Variants in CNTN3 observed in about 807,000 individuals in gnomAD.
The protein encoded by CNTN3 is contactin-3.
Under a neutral mutation model 119.1 loss-of-function variants are expected in CNTN3, and 60 were observed. The observed-to-expected ratio is 0.50, with a 90% CI of 0.41 to 0.62. The LOEUF is 0.62. Among genes scored for constraint, CNTN3 ranks in the 20% least tolerant of loss-of-function variants. The probability of loss-of-function intolerance (pLI) is 0.00; values close to 1 mark genes in which losing one functional copy is unlikely to be tolerated. For synonymous variants in CNTN3, 450 were observed against 438.7 expected, an observed-to-expected ratio of 1.03 and a Z score of -0.32; for missense variants, 1,101 against 1,242.4, an observed-to-expected ratio of 0.89 and a Z score of 1.71.
chr3:74,445,436 T>C (rs999388149), intron 4 of CNTN3, among the ~76,000 whole-genome samples: 10 of 152,036 alleles, frequency 6.6e-5, no homozygotes, highest in South Asian at 2.1e-4. Context: ...CTAATTTTTG[T>C]ATTTTTTAGT....
At chr3:74,497,644 C>A (rs1490484432) in intron 3 of CNTN3, among the ~76,000 whole-genome samples, 1 of 149,504 alleles carries the variant, frequency 6.7e-6, no homozygotes, top group Non-Finnish European at 1.5e-5. Context: ...TATTTGGCTA[C>A]AAACCAAAAA....
At position 74,414,574 on chromosome 3, in the gene CNTN3, C is replaced by T. The variant is rs576989636; in HGVS notation, c.454+10271G>A. On this transcript the variant is annotated intron_variant, in intron 5 of 22. Transcript: ENST00000263665. ...CAGGAAAGACCCCACCCTATGGGGT[C>T]AGAATCTCTGGGAGTGGGACTGTGG... Among the ~76,000 whole-genome samples the T allele has an allele frequency of 2.0e-4, 30 of 152,232 alleles. 1 individual carries two copies. The South Asian group carries it at 6.0e-3, about 31-fold the overall frequency.
At chr3:74,597,696 A>C (rs1575857693) in intron 1 of CNTN3, among the ~76,000 whole-genome samples, 1 of 152,170 alleles carries the variant, frequency 6.6e-6, no homozygotes, top group East Asian at 1.9e-4. Flanking sequence ...ATTTAAAACA[A>C]GCTTACAATG....
At chr3:74,380,469 A>G (rs1704586135) in intron 5 of CNTN3, among the ~76,000 whole-genome samples, 2 of 152,224 alleles carry the variant, frequency 1.3e-5, no homozygotes, top group African/African-American at 4.8e-5. Context: ...AGTCCTGGAG[A>G]AGATAAAGAA....
chr3:74,572,350 T>C (rs1401601763), intron 1 of CNTN3, among the ~76,000 whole-genome samples: 1 of 152,124 alleles, frequency 6.6e-6, no homozygotes, highest in African/African-American at 2.4e-5. Context: ...CCCATGATAC[T>C]CCCTGCAGCC....
At chr3:74,521,248 A>C in intron 1 of CNTN3, 56 bp from the exon 2 acceptor site, 1 of 438,630 alleles carries the variant, frequency 2.3e-6, no homozygotes, top group Non-Finnish European at 4.1e-6. Flanking sequence ...AGCTGCTTTA[A>C]AAAAGAGATT....
At chr3:74,560,162 C>T (rs1426956207) in intron 1 of CNTN3, among the ~76,000 whole-genome samples, 2 of 152,184 alleles carry the variant, frequency 1.3e-5, no homozygotes, top group Non-Finnish European at 2.9e-5. Context: ...CCATCAAGCA[C>T]ATCATCACAC....
chr3:74,486,809 T>G (rs559570949), intron 3 of CNTN3, among the ~76,000 whole-genome samples, 178 bp from the exon 4 acceptor site: 36 of 152,290 alleles, frequency 2.4e-4, no homozygotes, highest in Admixed American at 1.2e-3. Flanking sequence ...AACGAAAAGT[T>G]AAAGCACAGT....
chr3:74,556,661 G>A (rs2107168453), intron 1 of CNTN3, among the ~76,000 whole-genome samples: 1 of 152,184 alleles, frequency 6.6e-6, no homozygotes, highest in African/African-American at 2.4e-5. Flanking sequence ...ATCTAGGAGT[G>A]CAAATGCTAC....
chr3:74,442,083 CA>C (rs1462274008), intron 4 of CNTN3, among the ~76,000 whole-genome samples: 1 of 151,804 alleles, frequency 6.6e-6, no homozygotes, highest in African/African-American at 2.4e-5. Flanking sequence ...CCCCTTGATA[CA>C]CAGAAATCTA....
At chr3:74,612,121 T>A (rs1559679056) in intron 1 of CNTN3, among the ~76,000 whole-genome samples, 1 of 152,148 alleles carries the variant, frequency 6.6e-6, no homozygotes, top group Non-Finnish European at 1.5e-5. Context: ...GAACTTCAAG[T>A]TGGACACTTA....
chr3:74,395,475 G>C (rs1705023910), intron 5 of CNTN3, among the ~76,000 whole-genome samples: 1 of 152,050 alleles, frequency 6.6e-6, no homozygotes, highest in African/African-American at 2.4e-5. Context: ...TATTTATAAA[G>C]AATTTACGAT....
intron 5 of CNTN3, among the ~76,000 whole-genome samples, chr3:74,391,414 G>C (rs1559578113): frequency 6.6e-6 from 1 of 152,046 alleles, no homozygotes; most frequent in Non-Finnish European, 1.5e-5. Context: ...CTGAGCTTAT[G>C]TTCCCAACTG....
chr3:74,372,675 A>G (rs981453178), intron 5 of CNTN3, among the ~76,000 whole-genome samples: 4 of 152,254 alleles, frequency 2.6e-5, no homozygotes, highest in African/African-American at 9.6e-5. Context: ...GATAATTCCT[A>G]TGGTGAAGGT....
At chr3:74,490,126 G>A (rs1702935843) in intron 3 of CNTN3, among the ~76,000 whole-genome samples, 1 of 152,168 alleles carries the variant, frequency 6.6e-6, no homozygotes, top group African/African-American at 2.4e-5. Context: ...AGCAAAAAGT[G>A]GGATGAGAAT....
At chr3:74,394,068 A>G (rs1704985041) in intron 5 of CNTN3, among the ~76,000 whole-genome samples, 1 of 152,192 alleles carries the variant, frequency 6.6e-6, no homozygotes, top group African/African-American at 2.4e-5. Flanking sequence ...GCCAAAAAGA[A>G]GAAGAATAAT....
chr3:74,436,190 C>G (rs539369721), intron 4 of CNTN3, among the ~76,000 whole-genome samples: 1 of 152,314 alleles, frequency 6.6e-6, no homozygotes, highest in South Asian at 2.1e-4. Flanking sequence ...CTATCCTTCC[C>G]CTTTCAACTT....
At chr3:74,588,314 GACAA>G (rs1320197667) in intron 1 of CNTN3, among the ~76,000 whole-genome samples, 6 of 152,152 alleles carry the variant, frequency 3.9e-5, no homozygotes, top group Admixed American at 2.0e-4. Flanking sequence ...ACCAATAACA[GACAA>G]ACAGAGAGCC....
chr3:74,601,264 G>A (rs867637492), intron 1 of CNTN3, among the ~76,000 whole-genome samples: 3 of 151,956 alleles, frequency 2.0e-5, no homozygotes, highest in South Asian at 2.1e-4. Context: ...CTGAGACTTA[G>A]AGAAGGCAGT....
Sources: gnomAD v4.1 joint callset for allele counts (sites outside exome capture counted in the v4.1 genomes callset) on GRCh38, gnomAD v4.1.1 for gene constraint, MANE v1.5 for transcripts, NCBI Gene and HGNC (gene_info 2026-07-23, HGNC 2026-07-21) for gene names.